Variants in GPR174 observed in about 807,000 individuals in gnomAD.
The protein encoded by GPR174 is G protein-coupled receptor 174, also known as probable G protein-coupled receptor 174.
In GPR174, 8 loss-of-function variants were observed where a neutral mutation model predicts 16.5. The observed-to-expected ratio is 0.48, with a 90% CI of 0.28 to 0.87. The LOEUF (loss-of-function observed/expected upper bound fraction) is 0.87, where lower values mean the gene tolerates loss of function less well. Ranked by LOEUF, GPR174 falls within the 40% of genes least tolerant of loss-of-function variation. The pLI, the probability that GPR174 is intolerant of heterozygous loss-of-function variation, is 0.09. For synonymous variants in GPR174, 111 were observed against 94.8 expected, an observed-to-expected ratio of 1.17 and a Z score of -0.99; for missense variants, 214 against 247.5, an observed-to-expected ratio of 0.86 and a Z score of 0.91.
rs1296450922 is a variant in GPR174 at position 79,172,844 on chromosome X, A to G, written c.*835A>G. On this transcript the variant is annotated 3_prime_UTR_variant, in exon 3 of 3. Coordinates refer to ENST00000645147, the MANE Select transcript of GPR174 (RefSeq NM_032553.3). ...CTGCTCTCTTACACTTTTTCTAAAG[A>G]ACACTTCTGGAGATGTATGGACCCG... 9.0e-6 allele frequency: 1 copy of G among 111,423 alleles called. No homozygotes were observed. The highest frequency in any genetic ancestry group is 3.3e-5 in the African/African-American group (1 of 30,584). The allele number at this position is 111,423 out of a possible 1,213,427, so 9.2% of individuals were successfully genotyped here. A position where few individuals can be genotyped will look rare whatever the true frequency, so the allele number is the denominator to read the frequency against.
chrX:79,165,306 CA>C (rs34381509), intron 2 of GPR174, among the ~76,000 whole-genome samples: 9,865 of 68,305 alleles, frequency 0.14, 533 homozygotes, highest in East Asian at 0.43. Flanking sequence ...AGCACTAAGA[CA>C]AAAAAAAAAA....
intron 2 of GPR174, among the ~76,000 whole-genome samples, chrX:79,166,606 C>A (rs868262130): frequency 5.5e-4 from 59 of 107,505 alleles, no homozygotes; most frequent in African/African-American, 1.8e-3. Context: ...ACCCAGCTAA[C>A]TTTTGTATTT....
chrX:79,165,480 G>A (rs1190299416), intron 2 of GPR174, among the ~76,000 whole-genome samples: 1 of 111,258 alleles, frequency 9.0e-6, no homozygotes, highest in Non-Finnish European at 1.9e-5. Flanking sequence ...CATCTTTAAA[G>A]GTGTGAGTCT....
intron 2 of GPR174, among the ~76,000 whole-genome samples, chrX:79,158,779 A>T (rs1262851699): frequency 1.4e-5 from 1 of 71,394 alleles, no homozygotes; most frequent in African/African-American, 5.6e-5. Flanking sequence ...GTTAATGAGT[A>T]AAAAAAAAAA....
At chrX:79,158,161 A>G (rs1921144133) in intron 2 of GPR174, among the ~76,000 whole-genome samples, 1 of 99,931 alleles carries the variant, frequency 1.0e-5, no homozygotes, top group Non-Finnish European at 2.0e-5. Context: ...AAGCCACCCC[A>G]TTTGTTTTCT....
chrX:79,155,056 A>C (rs1276010039), intron 1 of GPR174, among the ~76,000 whole-genome samples: 3 of 112,089 alleles, frequency 2.7e-5, no homozygotes, highest in Non-Finnish European at 5.6e-5. Context: ...AAGAATATTC[A>C]CGATTTCAAT....
intron 2 of GPR174, among the ~76,000 whole-genome samples, chrX:79,162,394 T>G (rs1015031665): frequency 9.0e-6 from 1 of 111,409 alleles, no homozygotes; most frequent in Non-Finnish European, 1.9e-5. Context: ...AAAATCTGAA[T>G]GCATTTATCA....
intron 2 of GPR174, among the ~76,000 whole-genome samples, 173 bp downstream of exon 2, chrX:79,157,091 C>A (rs73231588): frequency 0.079 from 8,844 of 111,518 alleles, 362 homozygotes; most frequent in Non-Finnish European, 0.13. Flanking sequence ...TCAAGATATA[C>A]AATCTTACAG....
At chrX:79,170,350 G>C (rs1473048654) in intron 2 of GPR174, 102 bp from the exon 3 acceptor site, 1 of 106,504 alleles carries the variant, frequency 9.4e-6, no homozygotes, top group Non-Finnish European at 1.9e-5. Context: ...CCTTACTTAA[G>C]AATTTTTTCA....
At chrX:79,159,876 G>A (rs998212566) in intron 2 of GPR174, among the ~76,000 whole-genome samples, 7 of 111,919 alleles carry the variant, frequency 6.3e-5, no homozygotes, top group African/African-American at 2.3e-4. Flanking sequence ...TTTTAGAGAA[G>A]AAATGGGCAC....
At chrX:79,149,347 G>A (rs984167032) in intron 1 of GPR174, among the ~76,000 whole-genome samples, 13 of 109,729 alleles carry the variant, frequency 1.2e-4, no homozygotes, top group African/African-American at 3.7e-4. Flanking sequence ...AAATGTATCC[G>A]TTGACTTCTC....
chrX:79,171,484 T>A lies in GPR174; in HGVS notation c.477T>A (p.Asp159Glu). 6.6e-6 allele frequency: 8 copies of A among 1,211,582 alleles called. No individual in the cohort carries two copies. Among genetic ancestry groups the A allele is most frequent in the Non-Finnish European group, 8.9e-6 (8 of 895,422 alleles). The change falls in exon 3 of 3, where the codon GAT (aspartate) becomes GAA (glutamate). Residue 159 changes from aspartate (D) to glutamate (E), a missense_variant. Transcript: ENST00000645147. The stretch of plus-strand genomic sequence containing the variant: ...TCTTTCCACTCCTCAGAACCAGTGA[T>A]GATACCTCTGGCAATAGGACCAAAT... ...CVLFPLLRTSDDTSGNRTKCF... is the reference protein window; with the variant it reads ...CVLFPLLRTSEDTSGNRTKCF...
Position 79,175,183 on chromosome X carries a change from C to G in GPR174, c.*3174C>G, listed in dbSNP as rs754444450. On this transcript the variant is annotated 3_prime_UTR_variant, in exon 3 of 3. Coordinates refer to ENST00000645147, the MANE Select transcript of GPR174 (RefSeq NM_032553.3). ...AGAGGGTGCATCTGTGGAACTCTTG[C>G]GCAACTTACATTTTATGTCACCTTT... 9.0e-6 allele frequency: 1 copy of G among 111,528 alleles called. No individual in the cohort carries two copies. Among genetic ancestry groups the G allele is most frequent in the South Asian group, 3.8e-4 (1 of 2,661 alleles). 9.2% of individuals were successfully genotyped at this position (111,528 alleles called of 1,213,427 possible). A position where few individuals can be genotyped will look rare whatever the true frequency, so the allele number is the denominator to read the frequency against.
Position 79,173,806 on chromosome X carries a change from T to C in GPR174, c.*1797T>C, listed in dbSNP as rs1921575206. The C allele has an allele frequency of 8.9e-6, 1 of 112,435 alleles. No homozygotes were observed. The highest frequency in any genetic ancestry group is 3.2e-5 in the African/African-American group (1 of 30,966). The allele number at this position is 112,435 out of a possible 1,213,427, so 9.3% of individuals were successfully genotyped here. On this transcript the variant is annotated 3_prime_UTR_variant, in exon 3 of 3. Coordinates refer to ENST00000645147, the MANE Select transcript of GPR174 (RefSeq NM_032553.3). Reference sequence around the variant, plus strand: ...TATGTTTTGATGTGTTAAATAAGTTTTCAATAAGTGTTAAACTGTATTTTA... The same window carrying C: ...TATGTTTTGATGTGTTAAATAAGTTCTCAATAAGTGTTAAACTGTATTTTA...
intron 2 of GPR174, among the ~76,000 whole-genome samples, chrX:79,170,247 G>A (rs774194732): frequency 1.2e-4 from 13 of 111,743 alleles, no homozygotes; most frequent in Non-Finnish European, 5.6e-5. Context: ...TGAATTTTGA[G>A]TAACAAGGGG....
At chrX:79,168,985 T>G (rs1430499180) in intron 2 of GPR174, among the ~76,000 whole-genome samples, 1 of 111,290 alleles carries the variant, frequency 9.0e-6, no homozygotes, top group African/African-American at 3.3e-5. Flanking sequence ...TTTTGAAACA[T>G]AAGTACAACT....
chrX:79,169,493 C>T (rs998300424), intron 2 of GPR174, among the ~76,000 whole-genome samples: 1 of 111,588 alleles, frequency 9.0e-6, no homozygotes, highest in African/African-American at 3.3e-5. Context: ...TTGAATAAAA[C>T]GTGCTGTTTC....
chrX:79,146,005 A>C (rs1926492948), intron 1 of GPR174, among the ~76,000 whole-genome samples: 1 of 111,971 alleles, frequency 8.9e-6, no homozygotes, highest in Non-Finnish European at 1.9e-5. Flanking sequence ...AAATTGACTT[A>C]TTTTGACAAA....
rs72629946 is a variant in GPR174 at position 79,149,971 on chromosome X, A to T, written c.-654+4754A>T. Among the ~76,000 whole-genome samples the T allele has an allele frequency of 4.0e-4, 44 of 111,031 alleles. No homozygotes were observed. In the East Asian group the frequency reaches 0.01, roughly 26 times the overall value. On this transcript the variant is annotated intron_variant, in intron 1 of 2. Transcript: ENST00000645147. Reference sequence around the variant, plus strand: ...ATAATTACTTGTTAATGACTGATTTAGTTCTAAGTTACAGTTTTAAGAATT... The same window carrying T: ...ATAATTACTTGTTAATGACTGATTTTGTTCTAAGTTACAGTTTTAAGAATT...
Sources: gnomAD v4.1 joint callset for allele counts (sites outside exome capture counted in the v4.1 genomes callset) on GRCh38, gnomAD v4.1.1 for gene constraint, MANE v1.5 for transcripts, NCBI Gene and HGNC (gene_info 2026-07-23, HGNC 2026-07-21) for gene names.